SV2C: variants seen among roughly 807,000 people sequenced by gnomAD.
SV2C encodes the protein solute carrier family 22 member B3.
A neutral mutation model predicts 79.7 loss-of-function variants in SV2C; 49 were observed. The ratio of observed to expected loss-of-function variants is 0.61; its 90% CI spans 0.49 to 0.78. SV2C has a LOEUF of 0.78. SV2C is among the 30% of genes least tolerant of loss of function. The probability of loss-of-function intolerance (pLI) is 0.00; values close to 1 mark genes in which losing one functional copy is unlikely to be tolerated. For synonymous variants in SV2C, 334 were observed against 333.2 expected, an observed-to-expected ratio of 1.00 and a Z score of -0.03; for missense variants, 833 against 912.9, an observed-to-expected ratio of 0.91 and a Z score of 1.13.
intron 2 of SV2C, among the ~76,000 whole-genome samples, chr5:76,141,020 A>T (rs939072928): frequency 2.6e-5 from 4 of 152,232 alleles, no homozygotes; most frequent in African/African-American, 9.6e-5. Context: ...GGAAAAGAAG[A>T]TTCAATAATT....
In SV2C at chr5:76,330,433, G is replaced by A. The variant is rs1226828018; in HGVS notation, c.*4886G>A. 1 of 152,050 alleles carries A rather than the reference G, an allele frequency of 6.6e-6. No homozygotes were observed. Among genetic ancestry groups the A allele is most frequent in the African/African-American group, 2.4e-5 (1 of 41,386 alleles). The allele number at this position is 152,050 out of a possible 1,614,324, so 9.4% of individuals were successfully genotyped here. On this transcript the variant is annotated 3_prime_UTR_variant, in exon 13 of 13. Transcript: ENST00000502798. ...TAAATACTTATTGAGCACCTCCCAT[G>A]TGATACGTATTGAGACACTGCTGTG...
intron 2 of SV2C, among the ~76,000 whole-genome samples, chr5:76,179,924 T>C (rs1478329451): frequency 1.4e-5 from 2 of 143,950 alleles, no homozygotes; most frequent in Non-Finnish European, 3.0e-5. Flanking sequence ...ATATCTGCCA[T>C]CTGAACTTTA....
intron 4 of SV2C, among the ~76,000 whole-genome samples, chr5:76,225,934 G>T (rs1745223106): frequency 1.3e-5 from 2 of 152,208 alleles, no homozygotes; most frequent in South Asian, 4.1e-4. Context: ...GGAAGCCAGA[G>T]GTGCTTCTAG....
chr5:76,243,113 A>T (rs1356941019), intron 4 of SV2C, among the ~76,000 whole-genome samples: 3 of 151,698 alleles, frequency 2.0e-5, no homozygotes, highest in African/African-American at 7.3e-5. Context: ...GGATAAAATG[A>T]GATGAGCCAT....
intron 2 of SV2C, among the ~76,000 whole-genome samples, chr5:76,164,839 A>G (rs1035736264): frequency 1.3e-5 from 2 of 151,944 alleles, no homozygotes; most frequent in Admixed American, 6.6e-5. Context: ...AAATCCACAG[A>G]TGCTCAAGTC....
At chr5:76,013,212 A>G in the SV2C span, among the ~76,000 whole-genome samples, 1 of 152,136 alleles carries the variant, frequency 6.6e-6, no homozygotes, top group Non-Finnish European at 1.5e-5. Context: ...GGCCATTTTC[A>G]TGATATTGAT....
At chr5:76,351,827 G>A (rs901737277) in intron 12 of SV2C, among the ~76,000 whole-genome samples, 3 of 152,068 alleles carry the variant, frequency 2.0e-5, no homozygotes, top group East Asian at 1.9e-4. Flanking sequence ...TCTCACCCTC[G>A]CATGGCAAGC....
At chr5:76,290,862 G>A (rs1747538871) in intron 6 of SV2C, among the ~76,000 whole-genome samples, 2 of 152,042 alleles carry the variant, frequency 1.3e-5, no homozygotes, top group African/African-American at 4.8e-5. Context: ...ACTCACTTTA[G>A]CCCAAGCTAA....
chr5:76,100,650 A>G (rs1580265580), intron 1 of SV2C, among the ~76,000 whole-genome samples: 2 of 152,286 alleles, frequency 1.3e-5, no homozygotes, highest in African/African-American at 2.4e-5. Context: ...ATAAGCATGC[A>G]TACCTGTGAG....
At chr5:76,089,634 C>T (rs1292784002) in intron 1 of SV2C, among the ~76,000 whole-genome samples, 3 of 152,238 alleles carry the variant, frequency 2.0e-5, no homozygotes, top group Non-Finnish European at 4.4e-5. Context: ...AACTAATTTA[C>T]ATTCCCACCA....
intron 4 of SV2C, among the ~76,000 whole-genome samples, chr5:76,274,166 C>G (rs748713969): frequency 6.6e-6 from 1 of 152,204 alleles, no homozygotes; most frequent in African/African-American, 2.4e-5. Flanking sequence ...TTTCTCCTCT[C>G]TCTTCTCCCA....
intron 1 of SV2C, among the ~76,000 whole-genome samples, chr5:76,125,070 C>G (rs1434880281): frequency 6.6e-6 from 1 of 152,010 alleles, no homozygotes; most frequent in South Asian, 2.1e-4. Flanking sequence ...AGGTCTTTAC[C>G]CTGGTTTATG....
intron 12 of SV2C, among the ~76,000 whole-genome samples, chr5:76,314,071 T>C (rs977870993): frequency 6.6e-6 from 1 of 152,192 alleles, no homozygotes; most frequent in Non-Finnish European, 1.5e-5. Context: ...GGATGTTAGG[T>C]TGCATGTGTA....
intron 4 of SV2C, chr5:76,242,527 G>T: frequency 2.4e-6 from 1 of 420,092 alleles, no homozygotes; most frequent in Non-Finnish European, 4.5e-6. Flanking sequence ...TGATTCTTAT[G>T]TAGGTGGTTT....
chr5:76,280,653 C>T (rs1045432607), intron 4 of SV2C, among the ~76,000 whole-genome samples: 5 of 152,136 alleles, frequency 3.3e-5, no homozygotes, highest in African/African-American at 7.2e-5. Flanking sequence ...CCGGCGGCCT[C>T]GTGGCCGGCT....
At chr5:76,247,162 G>A (rs572757061) in intron 4 of SV2C, among the ~76,000 whole-genome samples, 13 of 152,220 alleles carry the variant, frequency 8.5e-5, no homozygotes, top group East Asian at 3.9e-4. Flanking sequence ...CCAGTGAGGC[G>A]GACACACCTT....
At chr5:75,868,516 CA>C in the SV2C span, among the ~76,000 whole-genome samples, 3 of 152,116 alleles carry the variant, frequency 2.0e-5, no homozygotes, top group Non-Finnish European at 4.4e-5. Context: ...AAAACAAAAA[CA>C]AAAAAACTTG....
intron 1 of SV2C, chr5:76,084,167 T>A (rs548577135): frequency 6.6e-6 from 1 of 152,464 alleles, no homozygotes; most frequent in East Asian, 1.9e-4. Context: ...TGAGGCTCTT[T>A]GTCAGCGCCT....
chr5:76,241,171 G>A (rs1011239332), intron 4 of SV2C, among the ~76,000 whole-genome samples: 1 of 145,260 alleles, frequency 6.9e-6, no homozygotes, highest in African/African-American at 2.6e-5. Flanking sequence ...TGTCCAGGAT[G>A]GTCTCAATCT....
Sources: allele counts gnomAD v4.1 joint callset (sites outside exome capture counted in the v4.1 genomes callset), GRCh38; gene constraint gnomAD v4.1.1; transcripts MANE v1.5; gene names NCBI Gene and HGNC (gene_info 2026-07-23, HGNC 2026-07-21).